NFIA: variants seen among roughly 807,000 people sequenced by gnomAD.
NFIA encodes the protein nuclear factor 1 A-type.
In NFIA, 8 loss-of-function variants were observed where a neutral mutation model predicts 62.8. The observed-to-expected ratio is 0.13, with a 90% CI of 0.07 to 0.23. NFIA has a LOEUF of 0.23. Ranked by LOEUF, NFIA falls within the 10% of genes least tolerant of loss-of-function variation. NFIA has a pLI of 1.00. For missense variants in NFIA, 410 were observed against 642.1 expected (o/e 0.64, Z 3.91); for synonymous variants, 235 against 238.1 (o/e 0.99, Z 0.12).
At chr1:61,445,015 G>A (rs931760597) in intron 10 of NFIA, among the ~76,000 whole-genome samples, 4 of 152,188 alleles carry the variant, frequency 2.6e-5, no homozygotes, top group South Asian at 2.1e-4. Flanking sequence ...GAATTTATCC[G>A]AAAACAAAGT....
At chr1:61,101,775 T>C (rs1013990065) in intron 2 of NFIA, among the ~76,000 whole-genome samples, 2 of 152,200 alleles carry the variant, frequency 1.3e-5, no homozygotes, top group African/African-American at 4.8e-5. Context: ...TTTTCTCTCT[T>C]TTATTAAAAG....
At chr1:61,248,712 G>A (rs1450729474) in intron 2 of NFIA, among the ~76,000 whole-genome samples, 2 of 152,180 alleles carry the variant, frequency 1.3e-5, no homozygotes, top group East Asian at 3.8e-4. Flanking sequence ...CTCTAGGCAT[G>A]CTCAATAAAT....
At chr1:61,174,566 A>G (rs1650194734) in intron 2 of NFIA, among the ~76,000 whole-genome samples, 1 of 152,220 alleles carries the variant, frequency 6.6e-6, no homozygotes, top group Non-Finnish European at 1.5e-5. Flanking sequence ...AAGAGGAAGT[A>G]AGTAAATAAA....
chr1:61,364,041 G>A lies in NFIA; in HGVS notation c.946+4767G>A, dbSNP rs191709003. Among the ~76,000 whole-genome samples, 195 of 151,902 alleles carry A rather than the reference G, an allele frequency of 1.3e-3. 1 individual carries two copies. Among genetic ancestry groups the A allele is most frequent in the African/African-American group, 4.5e-3 (186 of 41,426 alleles). ...AGCTCACTGCAACCTCCACCTCCGG[G>A]TTCAGGTGATTCTCCTGCCTCAGCC... On this transcript the variant is annotated intron_variant, in intron 6 of 10. Transcript: ENST00000403491.
chr1:61,142,648 A>G (rs1647616829), intron 2 of NFIA, among the ~76,000 whole-genome samples: 1 of 152,100 alleles, frequency 6.6e-6, no homozygotes, highest in Admixed American at 6.5e-5. Context: ...TAATTCCTTT[A>G]CTCGTAATTT....
intron 7 of NFIA, among the ~76,000 whole-genome samples, chr1:61,396,129 G>A (rs1353933967): frequency 6.6e-6 from 1 of 152,152 alleles, no homozygotes; most frequent in Non-Finnish European, 1.5e-5. Context: ...TTTATAATAT[G>A]CCAGGTAGTG....
chr1:61,241,663 C>T (rs971485754), intron 2 of NFIA, among the ~76,000 whole-genome samples: 1 of 151,778 alleles, frequency 6.6e-6, no homozygotes, highest in African/African-American at 2.4e-5. Context: ...CCCCTCCCCC[C>T]ACACAACTAC....
At chr1:61,272,000 C>T (rs190177253) in intron 2 of NFIA, among the ~76,000 whole-genome samples, 115 of 152,188 alleles carry the variant, frequency 7.6e-4, no homozygotes, top group Non-Finnish European at 1.6e-4. Context: ...TTTCATTAAG[C>T]GGGCCACAGT....
intron 5 of NFIA, among the ~76,000 whole-genome samples, chr1:61,358,810 GA>G (rs1557730270): frequency 1.4e-5 from 2 of 145,252 alleles, no homozygotes; most frequent in Non-Finnish European, 3.0e-5. Context: ...CACCTGTGGA[GA>G]TAGGAAATAT....
In NFIA at chr1:61,219,587, G is replaced by T. The variant is rs777122305; in HGVS notation, c.560-57933G>T. 2.6e-5 allele frequency among the ~76,000 whole-genome samples: 4 copies of T among 151,664 alleles called. 1 individual carries two copies. The highest frequency in any genetic ancestry group is 5.9e-5 in the Non-Finnish European group (4 of 67,938). ...AAATTAGCCGGGCGTGGTGGCGGGC[G>T]CCTGTAATCTCAGCTATTTGGGAGG... On this transcript the variant is annotated intron_variant, in intron 2 of 10. Coordinates refer to ENST00000403491, the MANE Select transcript of NFIA (RefSeq NM_001134673.4).
chr1:61,231,644 T>TTA (rs1654675444), intron 2 of NFIA, among the ~76,000 whole-genome samples: 1 of 152,170 alleles, frequency 6.6e-6, no homozygotes, highest in Non-Finnish European at 1.5e-5. Flanking sequence ...TAAGACCTGC[T>TTA]TATATAACAG....
chr1:61,371,297 G>T (rs184101190), intron 6 of NFIA, among the ~76,000 whole-genome samples: 9 of 152,256 alleles, frequency 5.9e-5, no homozygotes, highest in African/African-American at 1.9e-4. Context: ...ACTTCATGGT[G>T]CTGACACCTG....
chr1:61,182,399 C>G (rs990946146), intron 2 of NFIA, among the ~76,000 whole-genome samples: 1 of 152,120 alleles, frequency 6.6e-6, no homozygotes, highest in Non-Finnish European at 1.5e-5. Flanking sequence ...TTAGATTAGA[C>G]AAAACCAATG....
At chr1:61,430,772 G>A (rs1667067352) in intron 10 of NFIA, among the ~76,000 whole-genome samples, 1 of 151,986 alleles carries the variant, frequency 6.6e-6, no homozygotes, top group East Asian at 1.9e-4. Flanking sequence ...TCTGGCCCTG[G>A]CTTTCGGCTT....
At chr1:61,275,319 A>G (rs12069386) in intron 2 of NFIA, among the ~76,000 whole-genome samples, 7,629 of 152,160 alleles carry the variant, frequency 0.05, 554 homozygotes, top group African/African-American at 0.16. Flanking sequence ...TTATTATGCT[A>G]TGTATCTGTA....
rs775376623 is a variant in NFIA, at chr1:61,406,555, C to CG, written c.1255-7_1255-6insG. On this transcript the variant is annotated splice_polypyrimidine_tract_variant and splice_region_variant and intron_variant, in intron 8 of 10. Coordinates refer to ENST00000403491, the MANE Select transcript of NFIA (RefSeq NM_001134673.4). ...ACGTGTGTTTTCTGCCCCCCCCCCCCCCACAGCCCAATGGGAGCAGCCAAG... is the reference window on the plus strand; with the variant it reads ...ACGTGTGTTTTCTGCCCCCCCCCCCCGCCACAGCCCAATGGGAGCAGCCAAG... 99 of 1,405,992 alleles carry CG rather than the reference C, an allele frequency of 7.0e-5. No homozygotes were observed. The highest frequency in any genetic ancestry group is 8.6e-5 in the Non-Finnish European group (90 of 1,049,886). The allele number at this position is 1,405,992 out of a possible 1,614,324, so 87.1% of individuals were successfully genotyped here. A position where few individuals can be genotyped will look rare whatever the true frequency, so the allele number is the denominator to read the frequency against.
At position 61,207,526 on chromosome 1, in the gene NFIA, A is replaced by T. The variant is rs139611863; in HGVS notation, c.560-69994A>T. Among the ~76,000 whole-genome samples, 6 of 152,250 alleles carry T rather than the reference A, an allele frequency of 3.9e-5. No individual in the cohort carries two copies. In the East Asian group the frequency reaches 1.2e-3, roughly 29 times the overall value. ...TAGCTGTCATTCTTAACAAACTGGG[A>T]TACTCACGAGACATCTAGAGTTCAG... On this transcript the variant is annotated intron_variant, in intron 2 of 10. Transcript: ENST00000403491.
At chr1:61,124,095 G>A (rs1232094974) in intron 2 of NFIA, among the ~76,000 whole-genome samples, 1 of 152,204 alleles carries the variant, frequency 6.6e-6, no homozygotes, top group East Asian at 1.9e-4. Context: ...TTAGGATCAT[G>A]TTTTGTAATA....
intron 2 of NFIA, among the ~76,000 whole-genome samples, chr1:61,102,441 A>C (rs952493762): frequency 2.0e-5 from 3 of 152,226 alleles, no homozygotes; most frequent in Non-Finnish European, 4.4e-5. Context: ...GAAAGCTTAA[A>C]AAATTTGAAA....
Sources: allele counts gnomAD v4.1 joint callset (sites outside exome capture counted in the v4.1 genomes callset), GRCh38; gene constraint gnomAD v4.1.1; transcripts MANE v1.5; gene names NCBI Gene and HGNC (gene_info 2026-07-23, HGNC 2026-07-21).